The following BLTP3B variants were observed in gnomAD, a reference collection of about 807,000 sequenced individuals.
The protein encoded by BLTP3B is UHRF1 (ICBP90) binding protein 1-like.
chr12:100,126,939 G>T, the BLTP3B span, among the ~76,000 whole-genome samples: 1 of 152,054 alleles, frequency 6.6e-6, no homozygotes, highest in Non-Finnish European at 1.5e-5. Context: ...ATTAAAACAG[G>T]AAGGTAAAGA....
chr12:100,057,788 A>G, the BLTP3B span: 2 of 1,505,292 alleles, frequency 1.3e-6, no homozygotes, highest in Non-Finnish European at 1.8e-6. Context: ...TATAGAGAAA[A>G]GAATTCTATC....
At chr12:100,044,648 A>C in the BLTP3B span, among the ~76,000 whole-genome samples, 7 of 152,228 alleles carry the variant, frequency 4.6e-5, no homozygotes, top group African/African-American at 1.7e-4. Flanking sequence ...AAGTGCCAAA[A>C]GAAGTGGAAG....
chr12:100,093,727 C>T, the BLTP3B span, among the ~76,000 whole-genome samples: 4 of 152,284 alleles, frequency 2.6e-5, 1 homozygote, highest in South Asian at 6.2e-4. Context: ...AAAGAATACA[C>T]ATCAAGGTGG....
the BLTP3B span, chr12:100,037,874 A>G: frequency 5.9e-6 from 5 of 841,734 alleles, no homozygotes; most frequent in Non-Finnish European, 8.7e-6. Context: ...TGCTGGTGAG[A>G]GTGCACTTAA....
chr12:100,097,494 A>T, the BLTP3B span: 1 of 1,610,876 alleles, frequency 6.2e-7, no homozygotes, highest in Non-Finnish European at 8.5e-7. Context: ...TTATTTCTTT[A>T]AAAGTCAAAA....
chr12:100,098,630 G>T, the BLTP3B span: 1 of 1,383,658 alleles, frequency 7.2e-7, no homozygotes, highest in Non-Finnish European at 9.6e-7. Flanking sequence ...GGTTGGGGAT[G>T]GTGGCTCATA....
the BLTP3B span, chr12:100,059,841 G>A: frequency 1.2e-5 from 19 of 1,602,404 alleles, no homozygotes; most frequent in African/African-American, 1.9e-4. Flanking sequence ...CTACTTGTTT[G>A]TATGATACCT....
the BLTP3B span, among the ~76,000 whole-genome samples, chr12:100,122,045 G>A: frequency 6.6e-6 from 1 of 151,870 alleles, no homozygotes; most frequent in African/African-American, 2.4e-5. Flanking sequence ...GGCTAAGGTG[G>A]GATTACTTAA....
chr12:100,130,959 T>G, the BLTP3B span, among the ~76,000 whole-genome samples: 508 of 126,406 alleles, frequency 4.0e-3, 4 homozygotes, highest in Middle Eastern at 0.017. Context: ...CATATATATA[T>G]ATAGAGAGAG....
At chr12:100,110,365 T>TAC in the BLTP3B span, among the ~76,000 whole-genome samples, 5 of 152,134 alleles carry the variant, frequency 3.3e-5, no homozygotes, top group African/African-American at 1.2e-4. Flanking sequence ...TGAGCTGTAT[T>TAC]ACACTTGCTT....
chr12:100,129,330 T>A, the BLTP3B span, among the ~76,000 whole-genome samples: 1 of 152,234 alleles, frequency 6.6e-6, no homozygotes, highest in African/African-American at 2.4e-5. Flanking sequence ...ATGATTCAAC[T>A]AGTTAAACCT....
the BLTP3B span, among the ~76,000 whole-genome samples, chr12:100,084,059 T>C: frequency 1.3e-5 from 2 of 151,870 alleles, no homozygotes; most frequent in African/African-American, 4.8e-5. Flanking sequence ...TATGGTGGCA[T>C]GTGCCTGTAA....
the BLTP3B span, among the ~76,000 whole-genome samples, chr12:100,075,456 C>T: frequency 8.5e-5 from 13 of 152,144 alleles, no homozygotes; most frequent in Non-Finnish European, 1.3e-4. Flanking sequence ...AAGACCTCAA[C>T]GGCAATCACA....
chr12:100,072,714 CTA>C, the BLTP3B span: 1 of 1,597,256 alleles, frequency 6.3e-7, no homozygotes, highest in Non-Finnish European at 8.5e-7. Context: ...TCTGTGAATT[CTA>C]TATAGACAGC....
chr12:100,088,784 T>C, the BLTP3B span: 1 of 693,050 alleles, frequency 1.4e-6, no homozygotes, highest in Non-Finnish European at 2.1e-6. Context: ...CTTTCATCTA[T>C]ATATTCATAT....
chr12:100,098,999 A>T, the BLTP3B span, among the ~76,000 whole-genome samples: 2 of 148,326 alleles, frequency 1.3e-5, no homozygotes, highest in Admixed American at 1.4e-4. Flanking sequence ...CCATTTTATT[A>T]TTTTTTTTTT....
chr12:100,084,873 T>A, the BLTP3B span, among the ~76,000 whole-genome samples: 4 of 152,202 alleles, frequency 2.6e-5, no homozygotes, highest in Non-Finnish European at 5.9e-5. Flanking sequence ...GAGGAGTTTC[T>A]ATCTAGTACC....
chr12:100,130,982 G>GGAGAGAGAGAGAGAGA, the BLTP3B span, among the ~76,000 whole-genome samples: 54 of 62,208 alleles, frequency 8.7e-4, 2 homozygotes, highest in Non-Finnish European at 1.1e-3. Context: ...AGAGAGGGAG[G>GGAGAGAGAGAGAGAGA]GAGAGAGAGA....
At chr12:100,053,960 G>A in the BLTP3B span, among the ~76,000 whole-genome samples, 321 of 152,198 alleles carry the variant, frequency 2.1e-3, no homozygotes, top group Non-Finnish European at 4.0e-3. Flanking sequence ...ATAAAAATAA[G>A]TCACTGTTCA....
Sources: allele counts gnomAD v4.1 joint callset (sites outside exome capture counted in the v4.1 genomes callset), GRCh38; gene constraint gnomAD v4.1.1; transcripts MANE v1.5; gene names NCBI Gene and HGNC (gene_info 2026-07-23, HGNC 2026-07-21).